RSU1: variants seen among roughly 807,000 people sequenced by gnomAD.
RSU1 encodes rsu-1.
A neutral mutation model predicts 31.1 loss-of-function variants in RSU1; 26 were observed. The ratio of observed to expected loss-of-function variants is 0.84; its 90% CI spans 0.61 to 1.16. The LOEUF (loss-of-function observed/expected upper bound fraction) is 1.16. RSU1 is among the 50% of genes most tolerant of loss of function. The probability of loss-of-function intolerance (pLI) is 0.00; values close to 1 mark genes in which losing one functional copy is unlikely to be tolerated. For missense variants in RSU1, 320 were observed against 339.1 expected, an observed-to-expected ratio of 0.94 and a Z score of 0.44; for synonymous variants, 164 against 136.3, an observed-to-expected ratio of 1.20 and a Z score of -1.41.
intron 7 of RSU1, chr10:16,748,520 A>G (rs1836905179): frequency 6.6e-6 from 1 of 152,356 alleles, no homozygotes; most frequent in Non-Finnish European, 1.5e-5. Context: ...TAAGGTAACA[A>G]ATTCTCACAT....
intron 7 of RSU1, among the ~76,000 whole-genome samples, chr10:16,726,455 C>T (rs146475739): frequency 0.013 from 1,913 of 151,882 alleles, 40 homozygotes; most frequent in African/African-American, 0.043. Flanking sequence ...TTAGTAGAGA[C>T]GGGGTTTTAC....
intron 8 of RSU1, among the ~76,000 whole-genome samples, chr10:16,690,163 G>A (rs986158641): frequency 2.0e-5 from 3 of 152,068 alleles, no homozygotes; most frequent in Non-Finnish European, 4.4e-5. Flanking sequence ...TCTACCTTCT[G>A]GAAACTTAAG....
chr10:16,640,917 C>T lies in RSU1; in HGVS notation c.732-47421G>A, dbSNP rs180675354. On this transcript the variant is annotated intron_variant, in intron 8 of 8. Coordinates refer to ENST00000345264, the MANE Select transcript of RSU1 (RefSeq NM_012425.4). ...TGAAACAGGTTCTGAGGCAATGCTG[C>T]GACTGAAAGAATGGAATTGAACAAT... Among the ~76,000 whole-genome samples the T allele has an allele frequency of 2.0e-5, 3 of 152,288 alleles. No homozygotes were observed. In the East Asian group the frequency reaches 5.8e-4, roughly 29 times the overall value.
chr10:16,610,750 T>C (rs1833879099), intron 8 of RSU1, among the ~76,000 whole-genome samples: 1 of 152,210 alleles, frequency 6.6e-6, no homozygotes, highest in African/African-American at 2.4e-5. Context: ...GTAAAGTGCT[T>C]GACACATCCC....
intron 3 of RSU1, among the ~76,000 whole-genome samples, chr10:16,772,713 T>C (rs968828002): frequency 6.7e-6 from 1 of 150,240 alleles, no homozygotes; most frequent in African/African-American, 2.5e-5. Context: ...CTCAGTGTTA[T>C]AAAAGGACTG....
chr10:16,681,480 G>T lies in RSU1; in HGVS notation c.731+13543C>A, dbSNP rs186033323. Among the ~76,000 whole-genome samples the T allele has an allele frequency of 1.1e-3, 161 of 151,876 alleles. 1 individual carries two copies. Among genetic ancestry groups the T allele is most frequent in the African/African-American group, 3.6e-3 (150 of 41,384 alleles). ...TTTTCCCGTAACAATTTGTATTCAG[G>T]GTCATCATTGTCTTCTATTGCCTTA... On this transcript the variant is annotated intron_variant, in intron 8 of 8. Transcript: ENST00000345264.
intron 8 of RSU1, among the ~76,000 whole-genome samples, chr10:16,602,379 T>C (rs368817677): frequency 6.6e-6 from 1 of 152,208 alleles, no homozygotes; most frequent in Non-Finnish European, 1.5e-5. Flanking sequence ...GCTCCTATTA[T>C]GATCATTATT....
In RSU1 at chr10:16,764,544, G is replaced by A. The variant is rs768536858; in HGVS notation, c.161-34C>T. 6.9e-6 allele frequency: 11 copies of A among 1,598,250 alleles called. No individual in the cohort carries two copies. The East Asian group carries it at 2.3e-4, about 33-fold the overall frequency. On this transcript the variant is annotated intron_variant, in intron 3 of 8. Transcript: ENST00000345264. The stretch of plus-strand genomic sequence containing the variant: ...ACAAAAATGCTGAGTGTGAATCTGG[G>A]AATGGAACTCCTAGCAAGGGATGGC...
chr10:16,629,099 C>G (rs758114930), intron 8 of RSU1, among the ~76,000 whole-genome samples: 1 of 152,166 alleles, frequency 6.6e-6, no homozygotes, highest in Non-Finnish European at 1.5e-5. Context: ...AGCTTGGAGT[C>G]TGCCTGGGAG....
intron 3 of RSU1, among the ~76,000 whole-genome samples, chr10:16,775,796 T>C (rs1025481616): frequency 2.6e-5 from 4 of 152,156 alleles, no homozygotes; most frequent in African/African-American, 9.7e-5. Flanking sequence ...ACTATGCATA[T>C]TTTTTTAACT....
In RSU1 at chr10:16,597,875, G is replaced by A. The variant is rs572622995; in HGVS notation, c.732-4379C>T. On this transcript the variant is annotated intron_variant, in intron 8 of 8. Coordinates refer to ENST00000345264, the MANE Select transcript of RSU1 (RefSeq NM_012425.4). The stretch of plus-strand genomic sequence containing the variant: ...GGGCTGGATGACGCTGCTGTCCGCC[G>A]CACGATCCTTTAACTCCTCCAGCTG... Among the ~76,000 whole-genome samples, 136 of 152,316 alleles carry A rather than the reference G, an allele frequency of 8.9e-4. 1 individual carries two copies. The highest frequency in any genetic ancestry group is 3.0e-3 in the African/African-American group (123 of 41,572).
At chr10:16,697,315 G>C (rs2131565028) in intron 7 of RSU1, among the ~76,000 whole-genome samples, 1 of 152,212 alleles carries the variant, frequency 6.6e-6, no homozygotes, top group Non-Finnish European at 1.5e-5. Flanking sequence ...ACAGACATCA[G>C]CATGAATCAA....
chr10:16,771,211 A>G (rs1837419029), intron 3 of RSU1, among the ~76,000 whole-genome samples: 1 of 152,224 alleles, frequency 6.6e-6, no homozygotes, highest in Admixed American at 6.5e-5. Flanking sequence ...TCTTCATTAT[A>G]TATACGGGAG....
At chr10:16,694,885 C>A in intron 8 of RSU1, 138 bp downstream of exon 8, 2 of 792,328 alleles carry the variant, frequency 2.5e-6, no homozygotes, top group Non-Finnish European at 3.9e-6. Flanking sequence ...GGCCGACATG[C>A]AGTTTTTAAT....
At chr10:16,745,115 T>C (rs1425342760) in intron 7 of RSU1, among the ~76,000 whole-genome samples, 5 of 152,164 alleles carry the variant, frequency 3.3e-5, no homozygotes, top group Non-Finnish European at 7.3e-5. Flanking sequence ...GCTTAGACTG[T>C]TTCAGAAGAG....
At chr10:16,700,065 C>G (rs1185949681) in intron 7 of RSU1, among the ~76,000 whole-genome samples, 1 of 152,144 alleles carries the variant, frequency 6.6e-6, no homozygotes, top group Non-Finnish European at 1.5e-5. Flanking sequence ...TAAGCATGCT[C>G]ATTTTCACTT....
chr10:16,649,326 T>C (rs1473479385), intron 8 of RSU1, among the ~76,000 whole-genome samples: 5 of 152,118 alleles, frequency 3.3e-5, no homozygotes, highest in Non-Finnish European at 4.4e-5. Flanking sequence ...ATCCAAACAA[T>C]TGGAGTAGCT....
At chr10:16,621,012 C>G (rs1834060241) in intron 8 of RSU1, among the ~76,000 whole-genome samples, 1 of 152,140 alleles carries the variant, frequency 6.6e-6, no homozygotes, top group Non-Finnish European at 1.5e-5. Flanking sequence ...AATCTGCGTA[C>G]TTAACCAAGT....
chr10:16,663,429 A>C (rs1834924171), intron 8 of RSU1, among the ~76,000 whole-genome samples: 1 of 152,182 alleles, frequency 6.6e-6, no homozygotes, highest in Non-Finnish European at 1.5e-5. Flanking sequence ...TCTTCAATTG[A>C]AAGAGCTGTA....
Sources: allele counts gnomAD v4.1 joint callset (sites outside exome capture counted in the v4.1 genomes callset), GRCh38; gene constraint gnomAD v4.1.1; transcripts MANE v1.5; gene names NCBI Gene and HGNC (gene_info 2026-07-23, HGNC 2026-07-21).